Variants in SYN2 observed in about 807,000 individuals in gnomAD.
SYN2 encodes synapsin II, also known as synapsin-2.
In SYN2, 19 loss-of-function variants were observed where a neutral mutation model predicts 50.9. That is an observed-to-expected ratio of 0.37 (90% CI 0.26 to 0.55). SYN2 has a LOEUF of 0.55. Among genes scored for constraint, SYN2 ranks in the 20% least tolerant of loss-of-function variants. SYN2 has a pLI of 0.81. For synonymous variants in SYN2, 255 were observed against 224.9 expected (o/e 1.13, Z -1.20); for missense variants, 587 against 576.4 (o/e 1.02, Z -0.19).
intron 1 of SYN2, among the ~76,000 whole-genome samples, chr3:12,082,118 G>A (rs531640384): frequency 6.6e-6 from 1 of 152,252 alleles, no homozygotes; most frequent in Admixed American, 6.5e-5. Flanking sequence ...ATCAGCAAAG[G>A]GAAAATGAGC....
At chr3:12,180,309 G>A (rs1368189756) in intron 10 of SYN2, among the ~76,000 whole-genome samples, 1 of 152,098 alleles carries the variant, frequency 6.6e-6, no homozygotes, top group African/African-American at 2.4e-5. Flanking sequence ...TGTACAGCTA[G>A]GCACAAGCAC....
chr3:12,025,644 T>G (rs1237402858), intron 1 of SYN2, among the ~76,000 whole-genome samples: 5 of 151,264 alleles, frequency 3.3e-5, no homozygotes, highest in East Asian at 3.9e-4. Context: ...AGGTGTGTGG[T>G]TTTTTTTTGT....
At chr3:12,157,273 A>C (rs2125231072) in intron 5 of SYN2, 3 of 941,906 alleles carry the variant, frequency 3.2e-6, no homozygotes, top group Non-Finnish European at 5.0e-6. Context: ...CAGTATCTAG[A>C]CCCAAGGATT....
chr3:12,059,329 C>G (rs968545617), intron 1 of SYN2, among the ~76,000 whole-genome samples: 1 of 152,066 alleles, frequency 6.6e-6, no homozygotes, highest in African/African-American at 2.4e-5. Flanking sequence ...TTGAAGCAGA[C>G]GGGATAAGTG....
At chr3:12,185,784 G>T in intron 11 of SYN2, 1 of 984,864 alleles carries the variant, frequency 1.0e-6, no homozygotes, top group Non-Finnish European at 1.2e-6. Context: ...AAATGGGAAA[G>T]CACTCAGGTT....
rs375104700 is a variant in SYN2 at position 12,067,031 on chromosome 3, C to G, written c.377+62103C>G. Among the ~76,000 whole-genome samples, 53 of 152,262 alleles carry G rather than the reference C, an allele frequency of 3.5e-4. No homozygotes were observed. In the South Asian group the frequency reaches 0.011, roughly 31 times the overall value. On this transcript the variant is annotated intron_variant, in intron 1 of 12. Coordinates refer to ENST00000621198, the MANE Select transcript of SYN2 (RefSeq NM_133625.6). The stretch of plus-strand genomic sequence containing the variant: ...TAAACTATCAGATCTCATGAGAACT[C>G]ACTCTCACAAGAACAGCATGGGGGT...
At chr3:12,163,115 G>A (rs1418360510) in intron 7 of SYN2, among the ~76,000 whole-genome samples, 11 of 151,846 alleles carry the variant, frequency 7.2e-5, no homozygotes, top group African/African-American at 1.9e-4. Context: ...GGTGGTGGGC[G>A]CCTCTAGTCC....
At chr3:12,141,200 T>A (rs1697011315) in intron 2 of SYN2, among the ~76,000 whole-genome samples, 1 of 80,548 alleles carries the variant, frequency 1.2e-5, no homozygotes, top group Non-Finnish European at 2.2e-5. Flanking sequence ...AAAGTCCAAT[T>A]TTTTTTTTTT....
chr3:12,101,324 G>A (rs1696069811), intron 1 of SYN2, among the ~76,000 whole-genome samples: 1 of 152,126 alleles, frequency 6.6e-6, no homozygotes, highest in Admixed American at 6.5e-5. Flanking sequence ...ATGAAGTATT[G>A]ACACAGGACA....
chr3:12,190,579 C>A lies in SYN2; in HGVS notation c.1703C>A (p.Thr568Asn). The A allele has an allele frequency of 6.2e-7, 1 of 1,613,274 alleles. No homozygotes were observed. Among genetic ancestry groups the A allele is most frequent in the Non-Finnish European group, 8.5e-7 (1 of 1,179,484 alleles). Residue 568 changes from threonine to asparagine, a missense_variant, in exon 13 of 13, where the codon ACC becomes AAC. By Grantham distance (65) the Thr-to-Asn change is moderately conservative. Coordinates refer to ENST00000621198, the MANE Select transcript of SYN2 (RefSeq NM_133625.6). ...AATGAGGATGAAGCCAAAGCAGAGA[C>A]CATCCGGAGCTTGAGGAAGTCCTTT... ...SANEDEAKAETIRSLRKSFAS... is the reference protein window; with the variant it reads ...SANEDEAKAENIRSLRKSFAS...
chr3:12,047,573 G>C (rs942658823), intron 1 of SYN2, among the ~76,000 whole-genome samples: 2 of 152,088 alleles, frequency 1.3e-5, no homozygotes, highest in African/African-American at 4.8e-5. Context: ...ACAGAAAGTG[G>C]ATACTTGAGC....
intron 1 of SYN2, among the ~76,000 whole-genome samples, chr3:12,097,004 A>G (rs1026002704): frequency 6.6e-6 from 1 of 152,166 alleles, no homozygotes; most frequent in Non-Finnish European, 1.5e-5. Flanking sequence ...ACCTCCCCAC[A>G]CTGATGAAAT....
chr3:12,108,210 A>G (rs1696239871), intron 1 of SYN2, among the ~76,000 whole-genome samples: 1 of 152,140 alleles, frequency 6.6e-6, no homozygotes, highest in Non-Finnish European at 1.5e-5. Context: ...TAAATAAAAT[A>G]AAAAGAGAAC....
chr3:12,072,838 G>A (rs1005629465), intron 1 of SYN2, among the ~76,000 whole-genome samples: 1 of 152,042 alleles, frequency 6.6e-6, no homozygotes, highest in African/African-American at 2.4e-5. Flanking sequence ...CTGCCCACGG[G>A]CTTGATCTCT....
intron 7 of SYN2, among the ~76,000 whole-genome samples, chr3:12,162,891 G>A (rs887602635): frequency 1.3e-5 from 2 of 152,126 alleles, no homozygotes; most frequent in Non-Finnish European, 2.9e-5. Context: ...TCCATAATAC[G>A]CATAAAATGC....
At chr3:12,158,690 C>T (rs758586407) in intron 5 of SYN2, 2 of 1,609,854 alleles carry the variant, frequency 1.2e-6, no homozygotes, top group Non-Finnish European at 1.7e-6. Context: ...ACCTCGCGGA[C>T]CTCGGACTCA....
At chr3:12,145,571 G>T in intron 3 of SYN2, 108 bp from the exon 4 acceptor site, 1 of 1,250,722 alleles carries the variant, frequency 8.0e-7, no homozygotes. Context: ...CTTGGACTAG[G>T]TGGTTCCTAA....
rs1295565997 is a variant in SYN2 at position 12,004,755 on chromosome 3, C to G, written c.204C>G (p.Pro68=). The G allele has an allele frequency of 8.9e-6, 3 of 338,788 alleles. No individual in the cohort carries two copies. The highest frequency in any genetic ancestry group is 1.6e-5 in the Non-Finnish European group (3 of 188,866). The allele number at this position is 338,788 out of a possible 1,614,324, so 21.0% of individuals were successfully genotyped here. A position where few individuals can be genotyped will look rare whatever the true frequency, so the allele number is the denominator to read the frequency against. The change falls in exon 1 of 13, where the codon CCC becomes CCG. Residue 68 remains proline, a synonymous_variant. Coordinates refer to ENST00000621198, the MANE Select transcript of SYN2 (RefSeq NM_133625.6). Reference sequence around the variant, plus strand: ...GGAGGCCGCCGCCCGCCTCGGCGCCCGCGCCGCAGCCCGCGCCGACGCCGT... The same window carrying G: ...GGAGGCCGCCGCCCGCCTCGGCGCCGGCGCCGCAGCCCGCGCCGACGCCGT... ...PERRPPPASA[P]APQPAPTPSV...
intron 1 of SYN2, among the ~76,000 whole-genome samples, chr3:12,113,528 C>T (rs576716294): frequency 2.0e-5 from 3 of 152,218 alleles, no homozygotes; most frequent in African/African-American, 7.2e-5. Flanking sequence ...TAAGTGCATT[C>T]ACAGTGTTGT....
Sources: allele counts gnomAD v4.1 joint callset (sites outside exome capture counted in the v4.1 genomes callset), GRCh38; gene constraint gnomAD v4.1.1; transcripts MANE v1.5; gene names NCBI Gene and HGNC (gene_info 2026-07-23, HGNC 2026-07-21).